CEP250: variants seen among roughly 807,000 people sequenced by gnomAD.
CEP250 encodes centrosomal protein 250, also known as centrosome-associated protein CEP250.
A neutral mutation model predicts 315.7 loss-of-function variants in CEP250; 242 were observed. That is an observed-to-expected ratio of 0.77 (90% CI 0.69 to 0.85). CEP250 has a LOEUF of 0.85. Ranked by LOEUF, CEP250 falls within the 40% of genes least tolerant of loss-of-function variation. CEP250 has a pLI of 0.00. For synonymous variants in CEP250, 1,088 were observed against 1,175.0 expected, an observed-to-expected ratio of 0.93 and a Z score of 1.51; for missense variants, 2,515 against 2,886.4, an observed-to-expected ratio of 0.87 and a Z score of 2.95.
Position 35,491,262 on chromosome 20 carries a change from G to A in CEP250, c.2805G>A (p.Leu935=). Residue 935 remains leucine, a synonymous_variant, in exon 22 of 35, where the codon CTG becomes CTA. Coordinates refer to ENST00000397527, the MANE Select transcript of CEP250 (RefSeq NM_007186.6). ...GAGTATCCCTCCTGGAGACACTGCT[G>A]CAGACGCAGAAGGAGCTAGCAGATG... ...KERVSLLETL[L]QTQKELADAS... 3 of 1,608,632 alleles carry A rather than the reference G, an allele frequency of 1.9e-6. No individual in the cohort carries two copies. In the Admixed American group the frequency reaches 5.1e-5, roughly 27 times the overall value.
intron 27 of CEP250, among the ~76,000 whole-genome samples, chr20:35,498,962 A>G (rs185023292): frequency 2.0e-5 from 3 of 152,300 alleles, no homozygotes; most frequent in Middle Eastern, 3.4e-3. Flanking sequence ...AGGATCTTGA[A>G]TGAGCCCTGT....
Position 35,502,770 on chromosome 20 carries a change from G to A in CEP250, c.4401G>A (p.Lys1467=). The A allele has an allele frequency of 6.2e-7, 1 of 1,614,270 alleles. No individual in the cohort carries two copies. The change falls in exon 30 of 35, where the codon AAG becomes AAA. Residue 1467 remains lysine, a synonymous_variant. Transcript: ENST00000397527. ...AATTGCTGTCTCTGGACCTGAAGAA[G>A]AGGAACCAAGAGGTAGATCTGCAGC... ...ALELLSLDLK[K]RNQEVDLQQE...
In CEP250 at chr20:35,503,966, A is replaced by G. The variant is rs1374625435; in HGVS notation, c.5597A>G (p.Glu1866Gly). 1 of 1,612,070 alleles carries G rather than the reference A, an allele frequency of 6.2e-7. No individual in the cohort carries two copies. Among genetic ancestry groups the G allele is most frequent in the Non-Finnish European group, 8.5e-7 (1 of 1,178,828 alleles). The change falls in exon 30 of 35, where the codon GAA becomes GGA. Residue 1866 changes from glutamate to glycine, a missense_variant. Transcript: ENST00000397527. The surrounding 1 kb of genome is among the most constrained non-coding windows in gnomAD (Gnocchi z 4.2). ...ERHGELQDHK[E>G]QARRLEEELA... ...CATGGAGAGCTTCAGGACCACAAGG[A>G]ACAGGCACGAAGGCTGGAGGAAGAG...
chr20:35,508,331 C>T (rs932657500), intron 32 of CEP250, 141 bp downstream of exon 32: 16 of 904,004 alleles, frequency 1.8e-5, no homozygotes, highest in African/African-American at 3.4e-5. Flanking sequence ...TTTTTTTTCC[C>T]GAGACAGAGT....
At chr20:35,456,461 C>T (rs1006402914) in intron 1 of CEP250, among the ~76,000 whole-genome samples, 11 of 152,206 alleles carry the variant, frequency 7.2e-5, no homozygotes, top group African/African-American at 2.4e-4. Context: ...AGTATTTTAC[C>T]GCGAAGGCTT....
Position 35,465,794 on chromosome 20 carries a change from C to A in CEP250, c.295C>A (p.Leu99Met), listed in dbSNP as rs2062863941. 1 of 1,610,120 alleles carries A rather than the reference C, an allele frequency of 6.2e-7. No homozygotes were observed. The highest frequency in any genetic ancestry group is 8.5e-7 in the Non-Finnish European group (1 of 1,178,686). Residue 99 changes from leucine to methionine, a missense_variant, in exon 6 of 35, where the codon CTG (leucine) becomes ATG (methionine). Coordinates refer to ENST00000397527, the MANE Select transcript of CEP250 (RefSeq NM_007186.6). The part of the protein sequence containing the change: ...ENVEEPNLDE[L>M]LVRLEEEQQR... ...TGTGGAGGAGCCAAACCTGGATGAGCTGCTGGTCCGATTGGAGGAGGAGCA... is the reference window on the plus strand; with the variant it reads ...TGTGGAGGAGCCAAACCTGGATGAGATGCTGGTCCGATTGGAGGAGGAGCA...
At position 35,488,841 on chromosome 20, in the gene CEP250, G is replaced by A. The variant is rs140634800; in HGVS notation, c.2587-1796G>A. On this transcript the variant is annotated intron_variant, in intron 20 of 34. Coordinates refer to ENST00000397527, the MANE Select transcript of CEP250 (RefSeq NM_007186.6). ...TTAGGCGTGAGGAATGATGGAGTAG[G>A]GGGGAGAAGGGCTTTCCAGGTAGAA... is the stretch of plus-strand genomic sequence containing the variant. Among the ~76,000 whole-genome samples the A allele has an allele frequency of 3.4e-4, 51 of 152,178 alleles. No homozygotes were observed. The East Asian group carries it at 7.1e-3, about 21-fold the overall frequency.
chr20:35,481,483 G>A (rs2063341366), intron 20 of CEP250, among the ~76,000 whole-genome samples: 2 of 152,080 alleles, frequency 1.3e-5, no homozygotes, highest in South Asian at 2.1e-4. Context: ...TGTTCAGTGT[G>A]TTCAGTTCTA....
intron 7 of CEP250, among the ~76,000 whole-genome samples, chr20:35,466,430 A>C (rs908066295): frequency 9.2e-5 from 14 of 152,150 alleles, no homozygotes; most frequent in African/African-American, 3.4e-4. Flanking sequence ...GGGAGGTAGC[A>C]TGACACTCAG....
chr20:35,463,614 C>G lies in CEP250; in HGVS notation c.226C>G (p.Arg76Gly), dbSNP rs751345284. The change falls in exon 5 of 35, where the codon CGG (arginine) becomes GGG (glycine). Residue 76 changes from arginine to glycine, a missense_variant. Arg to Gly is a moderately radical substitution (Grantham distance 125, BLOSUM62 -2). Coordinates refer to ENST00000397527, the MANE Select transcript of CEP250 (RefSeq NM_007186.6). ...AAGCTGGTGCCAAGAGCTGGAGAAG[C>G]GGCTAGAAGCCACTGGAGTGAGTGA... The part of the protein sequence containing the change: ...YRSWCQELEK[R>G]LEATGGPIPQ... 2 of 1,608,564 alleles carry G rather than the reference C, an allele frequency of 1.2e-6. No homozygotes were observed. Among genetic ancestry groups the G allele is most frequent in the Non-Finnish European group, 1.7e-6 (2 of 1,177,372 alleles).
intron 23 of CEP250, among the ~76,000 whole-genome samples, chr20:35,494,133 A>C (rs1345921726): frequency 6.6e-6 from 1 of 152,028 alleles, no homozygotes; most frequent in African/African-American, 2.4e-5. Context: ...GTGCCATCAC[A>C]CTGGCTAATT....
intron 1 of CEP250, among the ~76,000 whole-genome samples, chr20:35,456,364 G>A (rs1164810394): frequency 6.6e-6 from 1 of 152,216 alleles, no homozygotes; most frequent in Non-Finnish European, 1.5e-5. Flanking sequence ...TTGATGACTT[G>A]ACTAGATTGC....
Position 35,473,445 on chromosome 20 carries a change from G to A in CEP250, c.1281G>A (p.Glu427=). 1 of 1,614,190 alleles carries A rather than the reference G, an allele frequency of 6.2e-7. No homozygotes were observed. Among genetic ancestry groups the A allele is most frequent in the Non-Finnish European group, 8.5e-7 (1 of 1,180,028 alleles). Residue 427 remains glutamate, a synonymous_variant, in exon 13 of 35, where the codon GAG becomes GAA. Coordinates refer to ENST00000397527, the MANE Select transcript of CEP250 (RefSeq NM_007186.6). ...NLLQQQHDQW[E]EEGKALRQRL... Reference sequence around the variant, plus strand: ...TGCAACAGCAGCATGATCAGTGGGAGGAAGAGGGCAAAGCCTTGAGACAGC... The same window carrying A: ...TGCAACAGCAGCATGATCAGTGGGAAGAAGAGGGCAAAGCCTTGAGACAGC...
In CEP250 at chr20:35,516,158, CTG is replaced by C. The variant is rs2064434105; in HGVS notation, c.*4537_*4538del. On this transcript the variant is annotated 3_prime_UTR_variant, in exon 35 of 35. Coordinates refer to ENST00000397527, the MANE Select transcript of CEP250 (RefSeq NM_007186.6). Reference sequence around the variant, plus strand: ...GAGGAGAGATGAGTCTCTGCCAAGGCTGTGTGATGTGTCATCTGAGAGAGTGG... The same window carrying C: ...GAGGAGAGATGAGTCTCTGCCAAGGCTGTGATGTGTCATCTGAGAGAGTGG... The C allele has an allele frequency of 6.6e-6, 1 of 152,260 alleles. No individual in the cohort carries two copies. The highest frequency in any genetic ancestry group is 1.5e-5 in the Non-Finnish European group (1 of 68,074). The allele number at this position is 152,260 out of a possible 1,614,324, so 9.4% of individuals were successfully genotyped here.
Position 35,491,358 on chromosome 20 carries a change from G to T in CEP250, c.2889+12G>T. ...AATTAAAGGAGCAGGTATGGAGGGTGGTCTCGGGAGTAGGGGAGAAAGGGG... is the reference window on the plus strand; with the variant it reads ...AATTAAAGGAGCAGGTATGGAGGGTTGTCTCGGGAGTAGGGGAGAAAGGGG... On this transcript the variant is annotated intron_variant, in intron 22 of 34. Coordinates refer to ENST00000397527, the MANE Select transcript of CEP250 (RefSeq NM_007186.6). 6.3e-7 allele frequency: 1 copy of T among 1,577,772 alleles called. No individual in the cohort carries two copies. Among genetic ancestry groups the T allele is most frequent in the South Asian group, 1.2e-5 (1 of 86,294 alleles).
intron 20 of CEP250, among the ~76,000 whole-genome samples, chr20:35,480,872 C>T (rs948563968): frequency 5.9e-5 from 9 of 152,202 alleles, no homozygotes; most frequent in Non-Finnish European, 1.3e-4. Context: ...AGCTGTGAGC[C>T]ACTGTGCCTG....
chr20:35,488,781 A>G (rs576083250), intron 20 of CEP250, among the ~76,000 whole-genome samples: 3 of 152,254 alleles, frequency 2.0e-5, no homozygotes, highest in East Asian at 1.9e-4. Flanking sequence ...TGTCAATTGT[A>G]TGGTCTGGGA....
Position 35,474,231 on chromosome 20 carries a change from T to G in CEP250, c.1571+179T>G, listed in dbSNP as rs567081879. On this transcript the variant is annotated intron_variant, in intron 14 of 34. Transcript: ENST00000397527. ...TGAATATGGAAAGTTCGTGGTTGGTTAAGTCTTAGTTGAGCACCCATATGG... is the reference window on the plus strand; with the variant it reads ...TGAATATGGAAAGTTCGTGGTTGGTGAAGTCTTAGTTGAGCACCCATATGG... Among the ~76,000 whole-genome samples, 3 of 152,318 alleles carry G rather than the reference T, an allele frequency of 2.0e-5. No individual in the cohort carries two copies. The South Asian group carries it at 6.2e-4, about 32-fold the overall frequency.
chr20:35,476,502 A>G lies in CEP250; in HGVS notation c.1770A>G (p.Glu590=). 6.2e-7 allele frequency: 1 copy of G among 1,614,102 alleles called. No homozygotes were observed. The highest frequency in any genetic ancestry group is 8.5e-7 in the Non-Finnish European group (1 of 1,179,924). ...LSSSENTLKT[E]VADLRAAAVK... is the part of the protein sequence containing the mutation. ...GTTCTGAAAACACCCTGAAGACAGA[A>G]GTAGCTGATCTTCGGGCTGCAGCTG... The change falls in exon 16 of 35, where the codon GAA becomes GAG. Residue 590 remains glutamate (E), a synonymous_variant. Coordinates refer to ENST00000397527, the MANE Select transcript of CEP250 (RefSeq NM_007186.6).
Sources: gnomAD v4.1 joint callset for allele counts (sites outside exome capture counted in the v4.1 genomes callset) on GRCh38, gnomAD v4.1.1 for gene constraint, Gnocchi (gnomAD v3.1) non-coding constraint, MANE v1.5 for transcripts, NCBI Gene and HGNC (gene_info 2026-07-23, HGNC 2026-07-21) for gene names.